The following PLXNA2 variants were observed in gnomAD, a reference collection of about 807,000 sequenced individuals.
The protein encoded by PLXNA2 is plexin A2, also known as plexin-A2.
Under a neutral mutation model 193.5 loss-of-function variants are expected in PLXNA2, and 91 were observed. The observed-to-expected ratio is 0.47, with a 90% CI of 0.40 to 0.56. The LOEUF (loss-of-function observed/expected upper bound fraction) is 0.56, where lower values mean the gene tolerates loss of function less well. Among genes scored for constraint, PLXNA2 ranks in the 20% least tolerant of loss-of-function variants. The probability of loss-of-function intolerance (pLI) is 0.00; values close to 1 mark genes in which losing one functional copy is unlikely to be tolerated. For synonymous variants in PLXNA2, 997 were observed against 1,027.3 expected, an observed-to-expected ratio of 0.97 and a Z score of 0.56; for missense variants, 1,995 against 2,503.2, an observed-to-expected ratio of 0.80 and a Z score of 4.33.
intron 2 of PLXNA2, among the ~76,000 whole-genome samples, chr1:208,216,237 G>A (rs1671125796): frequency 6.6e-6 from 1 of 152,078 alleles, no homozygotes; most frequent in South Asian, 2.1e-4. Context: ...GCTTTCTCTG[G>A]ACACTTGTGT....
intron 26 of PLXNA2, among the ~76,000 whole-genome samples, chr1:208,035,611 G>A (rs1440575147): frequency 6.6e-6 from 1 of 152,174 alleles, no homozygotes; most frequent in East Asian, 1.9e-4. Context: ...CCCCAGAATC[G>A]TGGTGATCCA....
At chr1:208,104,451 T>C (rs889479312) in intron 4 of PLXNA2, among the ~76,000 whole-genome samples, 1 of 152,110 alleles carries the variant, frequency 6.6e-6, no homozygotes, top group Non-Finnish European at 1.5e-5. Flanking sequence ...AACCGAGACT[T>C]GCTCTACATT....
chr1:208,228,105 ATC>A (rs1671568853), intron 1 of PLXNA2, among the ~76,000 whole-genome samples: 1 of 152,224 alleles, frequency 6.6e-6, no homozygotes, highest in South Asian at 2.1e-4. Flanking sequence ...AGCTGTCCAC[ATC>A]TTTTTCTTCT....
Position 208,027,096 on chromosome 1 carries a change from G to T in PLXNA2, c.*147C>A. 1.4e-6 allele frequency: 1 copy of T among 709,948 alleles called. No homozygotes were observed. The highest frequency in any genetic ancestry group is 2.4e-6 in the Non-Finnish European group (1 of 423,096). The allele number at this position is 709,948 out of a possible 1,614,324, so 44.0% of individuals were successfully genotyped here. On this transcript the variant is annotated 3_prime_UTR_variant, in exon 32 of 32. Transcript: ENST00000367033. Reference sequence around the variant, plus strand: ...TATGACGAAACTTGGCTGGCGTAGGGAGAGGAGTCCTCCCCTCTCCCCAGG... The same window carrying T: ...TATGACGAAACTTGGCTGGCGTAGGTAGAGGAGTCCTCCCCTCTCCCCAGG...
chr1:208,238,361 G>A (rs546169354), intron 1 of PLXNA2, among the ~76,000 whole-genome samples: 2 of 152,236 alleles, frequency 1.3e-5, no homozygotes, highest in Middle Eastern at 3.4e-3. Context: ...TTCATAACAC[G>A]ATACATTTAT....
chr1:208,154,720 C>T (rs1668884221), intron 3 of PLXNA2, among the ~76,000 whole-genome samples: 1 of 152,206 alleles, frequency 6.6e-6, no homozygotes, highest in Admixed American at 6.5e-5. Flanking sequence ...CTCTGCATTT[C>T]CATCTTCCCT....
chr1:208,110,384 T>C (rs1425433469), intron 4 of PLXNA2, among the ~76,000 whole-genome samples: 1 of 152,242 alleles, frequency 6.6e-6, no homozygotes, highest in Non-Finnish European at 1.5e-5. Context: ...ATCATGTCCC[T>C]TTGGATCTGC....
At chr1:208,041,702 C>T (rs764011283) in intron 22 of PLXNA2, among the ~76,000 whole-genome samples, 3 of 152,152 alleles carry the variant, frequency 2.0e-5, no homozygotes, top group African/African-American at 4.8e-5. Flanking sequence ...GCCGCTGTGC[C>T]GGACAGCACA....
chr1:208,153,974 CT>C (rs1449369012), intron 3 of PLXNA2, among the ~76,000 whole-genome samples: 1 of 128,310 alleles, frequency 7.8e-6, no homozygotes, highest in Non-Finnish European at 1.6e-5. Context: ...AAACAGGCCC[CT>C]AATTAATTCA....
chr1:208,087,546 T>C (rs1317924493), intron 9 of PLXNA2, among the ~76,000 whole-genome samples: 23 of 152,216 alleles, frequency 1.5e-4, no homozygotes, highest in Admixed American at 1.5e-3. Flanking sequence ...AGAAAAAGAA[T>C]GTCTTATGCT....
intron 1 of PLXNA2, among the ~76,000 whole-genome samples, chr1:208,241,644 A>G (rs1232332464): frequency 6.6e-6 from 1 of 152,208 alleles, no homozygotes; most frequent in Non-Finnish European, 1.5e-5. Context: ...TCCAAATGTC[A>G]TTTCCATTTA....
chr1:208,180,650 C>T (rs1034825676), intron 3 of PLXNA2, among the ~76,000 whole-genome samples: 2 of 152,358 alleles, frequency 1.3e-5, no homozygotes, highest in Middle Eastern at 3.4e-3. Context: ...CTCCGTTTGG[C>T]AGACGAGGAA....
chr1:208,104,257 G>C (rs1426336949), intron 4 of PLXNA2, among the ~76,000 whole-genome samples: 1 of 152,196 alleles, frequency 6.6e-6, no homozygotes, highest in Non-Finnish European at 1.5e-5. Context: ...AGATATGACG[G>C]AGACATCTCC....
At chr1:208,195,774 T>C (rs1009982225) in intron 3 of PLXNA2, among the ~76,000 whole-genome samples, 2 of 151,734 alleles carry the variant, frequency 1.3e-5, no homozygotes, top group African/African-American at 4.8e-5. Flanking sequence ...TGGGGAGGCA[T>C]CAAGGAGACA....
intron 3 of PLXNA2, among the ~76,000 whole-genome samples, chr1:208,188,034 G>T (rs1275970582): frequency 1.3e-5 from 2 of 152,146 alleles, no homozygotes; most frequent in Admixed American, 1.3e-4. Context: ...CGATTTCTGG[G>T]CTTCTCTCCC....
chr1:208,224,371 A>T (rs571116825), intron 1 of PLXNA2, among the ~76,000 whole-genome samples: 11 of 133,734 alleles, frequency 8.2e-5, no homozygotes, highest in Middle Eastern at 3.5e-3. Flanking sequence ...GGGGGTGGGG[A>T]GCAGGGAGAG....
intron 2 of PLXNA2, among the ~76,000 whole-genome samples, chr1:208,212,502 ATGAGTT>A (rs1228639679): frequency 6.6e-6 from 1 of 152,214 alleles, no homozygotes; most frequent in African/African-American, 2.4e-5. Context: ...AGCAGAAGGA[ATGAGTT>A]TCTCAGGAAG....
At chr1:208,101,721 C>G (rs1222878893) in intron 5 of PLXNA2, among the ~76,000 whole-genome samples, 1 of 152,104 alleles carries the variant, frequency 6.6e-6, no homozygotes, top group Admixed American at 6.5e-5. Context: ...AATGATAATC[C>G]CCGATCTATA....
chr1:208,144,734 C>G (rs1396413155), intron 3 of PLXNA2, among the ~76,000 whole-genome samples: 1 of 152,180 alleles, frequency 6.6e-6, no homozygotes, highest in African/African-American at 2.4e-5. Flanking sequence ...TTCCCCTATG[C>G]TCCGCTCTTG....
Sources: allele counts gnomAD v4.1 joint callset (sites outside exome capture counted in the v4.1 genomes callset), GRCh38; gene constraint gnomAD v4.1.1; transcripts MANE v1.5; gene names NCBI Gene and HGNC (gene_info 2026-07-23, HGNC 2026-07-21).